The following EFCAB5 variants were observed in gnomAD, a reference collection of about 807,000 sequenced individuals.
EFCAB5 encodes the protein EF-hand calcium-binding domain-containing protein 5.
In EFCAB5, 131 loss-of-function variants were observed where a neutral mutation model predicts 167.9. That is an observed-to-expected ratio of 0.78 (90% confidence interval 0.68 to 0.90). EFCAB5 has a LOEUF of 0.90. EFCAB5 is among the 40% of genes least tolerant of loss of function. EFCAB5 has a pLI of 0.00. For missense variants in EFCAB5, 1,663 were observed against 1,745.2 expected (o/e 0.95, Z 0.84); for synonymous variants, 574 against 602.8 (o/e 0.95, Z 0.70).
chr17:29,981,198 T>A (rs1013333241), intron 4 of EFCAB5, among the ~76,000 whole-genome samples: 1 of 152,192 alleles, frequency 6.6e-6, no homozygotes, highest in Non-Finnish European at 1.5e-5. Flanking sequence ...CCTTTTACCC[T>A]CAGAATAAAG....
At chr17:30,057,176 C>A (rs886605427) in intron 12 of EFCAB5, among the ~76,000 whole-genome samples, 3 of 152,092 alleles carry the variant, frequency 2.0e-5, no homozygotes, top group Admixed American at 1.3e-4. Flanking sequence ...CAACTAGATT[C>A]AAAGGCTCAA....
chr17:29,971,274 A>G (rs925759860), intron 4 of EFCAB5, among the ~76,000 whole-genome samples: 3 of 152,172 alleles, frequency 2.0e-5, no homozygotes, highest in African/African-American at 4.8e-5. Context: ...GTTCTCTTAC[A>G]GTAACATTTT....
At chr17:30,007,941 T>C in intron 7 of EFCAB5, among the ~76,000 whole-genome samples, 1 of 152,022 alleles carries the variant, frequency 6.6e-6, no homozygotes, top group Non-Finnish European at 1.5e-5. Flanking sequence ...TGAACCATGA[T>C]TGCACCACTG....
chr17:29,997,797 A>C (rs2068578641), intron 6 of EFCAB5, among the ~76,000 whole-genome samples: 1 of 152,094 alleles, frequency 6.6e-6, no homozygotes, highest in Admixed American at 6.6e-5. Context: ...CCTATTCCTC[A>C]TCACTGTGGC....
intron 8 of EFCAB5, among the ~76,000 whole-genome samples, chr17:30,050,308 T>C (rs923836085): frequency 1.3e-5 from 2 of 152,106 alleles, no homozygotes; most frequent in African/African-American, 4.8e-5. Context: ...CTAATTTTTG[T>C]CTTTTTAGTA....
chr17:30,068,297 A>G (rs1276810774), intron 14 of EFCAB5, among the ~76,000 whole-genome samples: 1 of 151,486 alleles, frequency 6.6e-6, no homozygotes, highest in Non-Finnish European at 1.5e-5. Flanking sequence ...GTGAGACTCC[A>G]TCTCAAAAAA....
At chr17:29,941,002 T>C (rs1344355592), upstream of EFCAB5, among the ~76,000 whole-genome samples, 1 of 151,082 alleles carries the variant, frequency 6.6e-6, no homozygotes, top group African/African-American at 2.4e-5. Flanking sequence ...ATTGCACCAC[T>C]GTACTCCAGC....
rs1349735959 is a variant in EFCAB5 at position 30,107,943 on chromosome 17, T to C, written c.4431T>C (p.Ser1477=). 2 of 1,611,792 alleles carry C rather than the reference T, an allele frequency of 1.2e-6. No homozygotes were observed. The highest frequency in any genetic ancestry group is 2.7e-5 in the African/African-American group (2 of 74,788). ...TGAAGATAACCAAACAACTAAATAGTGGTATTACACCTCCGTTGCCCTCCA... is the reference window on the plus strand; with the variant it reads ...TGAAGATAACCAAACAACTAAATAGCGGTATTACACCTCCGTTGCCCTCCA... ...ALMKITKQLN[S]GITPPLPSKT... The change falls in exon 23 of 23, where the codon AGT becomes AGC. Residue 1477 remains serine (S), a synonymous_variant. Transcript: ENST00000394835.
rs762993672 is a variant in EFCAB5 at position 30,083,015 on chromosome 17, C to T, written c.3551C>T (p.Thr1184Met). 26 of 1,613,864 alleles carry T rather than the reference C, an allele frequency of 1.6e-5. No homozygotes were observed. The highest frequency in any genetic ancestry group is 1.1e-4 in the African/African-American group (8 of 74,914). Residue 1184 changes from threonine to methionine, a missense_variant, in exon 18 of 23, where the codon ACG (threonine) becomes ATG (methionine). By Grantham distance (81) the Thr-to-Met change is moderately conservative. Transcript: ENST00000394835. ...ACATCCAGCATCACCTCCATCACTA[C>T]GTACTTTGTAGAGCCTAGCCCAGCC... ...DVTSSITSIT[T>M]YFVEPSPAQD...
intron 14 of EFCAB5, among the ~76,000 whole-genome samples, chr17:30,069,957 G>A (rs1015746646): frequency 5.3e-5 from 8 of 152,270 alleles, no homozygotes; most frequent in Admixed American, 2.0e-4. Context: ...ACTTGAGGCC[G>A]CCTTGGCAGG....
At chr17:30,099,441 A>G (rs1166467154) in intron 22 of EFCAB5, among the ~76,000 whole-genome samples, 1 of 150,932 alleles carries the variant, frequency 6.6e-6, no homozygotes, top group Non-Finnish European at 1.5e-5. Context: ...AAAAAAAAAT[A>G]GGCAAAGATT....
chr17:30,071,999 A>G (rs1280135327), intron 14 of EFCAB5, among the ~76,000 whole-genome samples: 2 of 152,190 alleles, frequency 1.3e-5, no homozygotes, highest in African/African-American at 4.8e-5. Context: ...AGGGAAGGTT[A>G]AGGGTAGAGG....
chr17:30,052,272 C>T (rs534410662), intron 9 of EFCAB5, among the ~76,000 whole-genome samples: 53 of 152,220 alleles, frequency 3.5e-4, no homozygotes, highest in African/African-American at 1.2e-3. Flanking sequence ...TCAAGCGATT[C>T]CCCCTGCCTC....
At chr17:29,977,630 T>C (rs1290266830) in intron 4 of EFCAB5, among the ~76,000 whole-genome samples, 1 of 152,224 alleles carries the variant, frequency 6.6e-6, no homozygotes, top group Non-Finnish European at 1.5e-5. Context: ...TGGGCATTTT[T>C]CCTGTGACTC....
chr17:29,936,565 G>A (rs2067247078), intron 1 of EFCAB5, among the ~76,000 whole-genome samples: 1 of 152,196 alleles, frequency 6.6e-6, no homozygotes, highest in African/African-American at 2.4e-5. Context: ...GTATAACAAA[G>A]CCAGCTGGCA....
intron 5 of EFCAB5, 29 bp downstream of exon 5, chr17:29,993,350 G>T (rs754685703): frequency 2.5e-6 from 4 of 1,594,996 alleles, no homozygotes; most frequent in Non-Finnish European, 3.4e-6. Flanking sequence ...TATGTGAAAG[G>T]TAGGTGGGGT....
intron 22 of EFCAB5, 89 bp downstream of exon 22, chr17:30,093,025 T>A: frequency 2.1e-6 from 2 of 972,550 alleles, no homozygotes; most frequent in South Asian, 3.4e-5. Context: ...AAGTGGGTCA[T>A]AAATTCAGTT....
intron 8 of EFCAB5, among the ~76,000 whole-genome samples, chr17:30,036,544 C>T (rs1198439152): frequency 6.6e-6 from 1 of 151,558 alleles, no homozygotes; most frequent in African/African-American, 2.4e-5. Context: ...ATCCCCCAAC[C>T]TCAGCCTCCC....
At chr17:30,020,285 A>G (rs970958181) in intron 7 of EFCAB5, among the ~76,000 whole-genome samples, 2 of 151,304 alleles carry the variant, frequency 1.3e-5, no homozygotes, top group Non-Finnish European at 2.9e-5. Context: ...AAATTGTGTT[A>G]TAATTGTTAT....
Sources: gnomAD v4.1 joint callset for allele counts (sites outside exome capture counted in the v4.1 genomes callset) on GRCh38, gnomAD v4.1.1 for gene constraint, MANE v1.5 for transcripts, NCBI Gene and HGNC (gene_info 2026-07-23, HGNC 2026-07-21) for gene names.